Variants in CADM2 observed in about 807,000 individuals in gnomAD.
CADM2 encodes the protein immunoglobulin superfamily member 4D.
In CADM2, 12 loss-of-function variants were observed where a neutral mutation model predicts 49.8. The ratio of observed to expected loss-of-function variants is 0.24; its 90% CI spans 0.15 to 0.39. The LOEUF is 0.39. Ranked by LOEUF, CADM2 falls within the 10% of genes least tolerant of loss-of-function variation. The pLI is 1.00. For missense variants in CADM2, 378 were observed against 492.3 expected (o/e 0.77, Z 2.20); for synonymous variants, 214 against 175.4 (o/e 1.22, Z -1.74).
At chr3:85,640,222 C>A (rs139360494) in intron 1 of CADM2, among the ~76,000 whole-genome samples, 2 of 152,274 alleles carry the variant, frequency 1.3e-5, no homozygotes, top group African/African-American at 4.8e-5. Context: ...CTTCCCATTA[C>A]TCTGCACATT....
Position 85,497,185 on chromosome 3 carries a change from G to A in CADM2, c.62-229337G>A, listed in dbSNP as rs143487713. Among the ~76,000 whole-genome samples, 6 of 151,782 alleles carry A rather than the reference G, an allele frequency of 4.0e-5. No homozygotes were observed. In the East Asian group the frequency reaches 9.7e-4, roughly 24 times the overall value. On this transcript the variant is annotated intron_variant, in intron 1 of 9. Coordinates refer to ENST00000383699, the MANE Select transcript of CADM2 (RefSeq NM_001167675.2). ...GATTTTGCCACTTTTTAATGGGGTT[G>A]CTAGTTTTTTTTCTTGTTGATTTGT...
chr3:85,755,338 T>C (rs1483731872), intron 2 of CADM2, among the ~76,000 whole-genome samples: 1 of 152,122 alleles, frequency 6.6e-6, no homozygotes. Flanking sequence ...AACCCAGGAA[T>C]AGCCAAATGG....
chr3:85,671,684 C>A (rs1386759241), intron 1 of CADM2, among the ~76,000 whole-genome samples: 1 of 152,136 alleles, frequency 6.6e-6, no homozygotes, highest in Non-Finnish European at 1.5e-5. Context: ...CCTCTTACAC[C>A]AGGACCTTTG....
In CADM2 at chr3:85,961,565, C is replaced by T. The variant is rs779013413; in HGVS notation, c.888C>T (p.Asn296=). The T allele has an allele frequency of 6.2e-7, 1 of 1,610,760 alleles. No homozygotes were observed. The highest frequency in any genetic ancestry group is 8.5e-7 in the Non-Finnish European group (1 of 1,177,718). Residue 296 remains asparagine (N), a synonymous_variant, in exon 8 of 10, where the codon AAC becomes AAT. Coordinates refer to ENST00000383699, the MANE Select transcript of CADM2 (RefSeq NM_001167675.2). ...GGGAGCTAAACATTCTTTTCCTGAA[C>T]AAAACGGATAATGGTACATATCGAT... The part of the protein sequence containing the change: ...SGRELNILFL[N]KTDNGTYRCE...
At chr3:85,350,302 C>A (rs1488606910) in intron 1 of CADM2, among the ~76,000 whole-genome samples, 1 of 152,088 alleles carries the variant, frequency 6.6e-6, no homozygotes, top group Non-Finnish European at 1.5e-5. Context: ...TTCTATAATA[C>A]TATGACAAAA....
chr3:85,364,035 A>T (rs556137786), intron 1 of CADM2, among the ~76,000 whole-genome samples: 1 of 152,330 alleles, frequency 6.6e-6, no homozygotes, highest in Non-Finnish European at 1.5e-5. Flanking sequence ...AATGCTAGAA[A>T]ATGTTAAAAC....
chr3:85,515,609 TAA>T, intron 1 of CADM2, among the ~76,000 whole-genome samples: 1 of 96,172 alleles, frequency 1.0e-5, no homozygotes, highest in African/African-American at 4.1e-5. Flanking sequence ...CCACGCCCAC[TAA>T]TATATATATA....
chr3:85,145,094 C>T (rs1403561466), intron 1 of CADM2, among the ~76,000 whole-genome samples: 1 of 152,118 alleles, frequency 6.6e-6, no homozygotes, highest in Non-Finnish European at 1.5e-5. Flanking sequence ...CTGTTCTATG[C>T]TAAGGAAAAT....
chr3:85,785,448 C>T (rs2070926643), intron 2 of CADM2, among the ~76,000 whole-genome samples: 2 of 151,998 alleles, frequency 1.3e-5, no homozygotes, highest in Non-Finnish European at 2.9e-5. Context: ...ATATACTAAG[C>T]AGAAATTTGA....
intron 6 of CADM2, among the ~76,000 whole-genome samples, chr3:85,932,751 T>C (rs1720760827): frequency 6.6e-6 from 1 of 152,188 alleles, no homozygotes; most frequent in Admixed American, 6.6e-5. Flanking sequence ...TGTGTTTCCT[T>C]ATTTATATGG....
At chr3:85,723,395 A>G (rs2067576900) in intron 1 of CADM2, among the ~76,000 whole-genome samples, 1 of 152,144 alleles carries the variant, frequency 6.6e-6, no homozygotes, top group Admixed American at 6.5e-5. Flanking sequence ...TGTGCACTTT[A>G]CAATTGACTT....
chr3:85,770,636 A>T (rs1054377794), intron 2 of CADM2, among the ~76,000 whole-genome samples: 2 of 152,104 alleles, frequency 1.3e-5, no homozygotes, highest in Non-Finnish European at 2.9e-5. Flanking sequence ...AAATATGAAG[A>T]TTGCTTTTTG....
chr3:85,949,316 A>G (rs544654074), intron 7 of CADM2, among the ~76,000 whole-genome samples: 1 of 151,590 alleles, frequency 6.6e-6, no homozygotes, highest in African/African-American at 2.4e-5. Flanking sequence ...GTGTTTACAT[A>G]GTATGTATGC....
intron 3 of CADM2, among the ~76,000 whole-genome samples, chr3:85,865,290 A>C (rs1391022544): frequency 6.6e-6 from 1 of 152,200 alleles, no homozygotes; most frequent in Non-Finnish European, 1.5e-5. Context: ...TAAGACCTGC[A>C]ACTAAGCAGA....
intron 1 of CADM2, among the ~76,000 whole-genome samples, chr3:85,709,519 AC>A: frequency 6.6e-6 from 1 of 152,260 alleles, no homozygotes; most frequent in Non-Finnish European, 1.5e-5. Context: ...ACCTACACTA[AC>A]AAAAATGGTT....
chr3:85,342,270 C>T (rs1476997897), intron 1 of CADM2, among the ~76,000 whole-genome samples: 1 of 151,952 alleles, frequency 6.6e-6, no homozygotes, highest in Non-Finnish European at 1.5e-5. Flanking sequence ...AAATGCTCAT[C>T]ATCACTGGCC....
intron 3 of CADM2, among the ~76,000 whole-genome samples, chr3:85,880,189 A>T (rs1712534752): frequency 6.6e-6 from 1 of 152,218 alleles, no homozygotes. Context: ...TAATTGACAC[A>T]GTCTACTAGT....
At chr3:85,710,126 G>A (rs532244385) in intron 1 of CADM2, among the ~76,000 whole-genome samples, 332 of 152,206 alleles carry the variant, frequency 2.2e-3, no homozygotes, top group African/African-American at 7.6e-3. Context: ...TATAGTGTAT[G>A]TATAGAGGTA....
intron 1 of CADM2, among the ~76,000 whole-genome samples, chr3:85,374,109 T>C (rs2033445606): frequency 6.6e-6 from 1 of 152,114 alleles, no homozygotes; most frequent in Admixed American, 6.5e-5. Flanking sequence ...AGGCTGCAAA[T>C]CTTCCAAAGT....
Sources: allele counts gnomAD v4.1 joint callset (sites outside exome capture counted in the v4.1 genomes callset), GRCh38; gene constraint gnomAD v4.1.1; transcripts MANE v1.5; gene names NCBI Gene and HGNC (gene_info 2026-07-23, HGNC 2026-07-21).